The following SHISA9 variants were observed in gnomAD, a reference collection of about 807,000 sequenced individuals.
SHISA9 encodes the protein shisa family member 9.
Under a neutral mutation model 38.0 loss-of-function variants are expected in SHISA9, and 13 were observed. The ratio of observed to expected loss-of-function variants is 0.34; its 90% confidence interval spans 0.22 to 0.54. SHISA9 has a LOEUF of 0.54. SHISA9 is among the 20% of genes least tolerant of loss of function. The probability of loss-of-function intolerance (pLI) is 0.91; values close to 1 mark genes in which losing one functional copy is unlikely to be tolerated. For missense variants in SHISA9, 538 were observed against 575.8 expected (o/e 0.93, Z 0.67); for synonymous variants, 275 against 242.0 (o/e 1.14, Z -1.27).
intron 2 of SHISA9, among the ~76,000 whole-genome samples, chr16:13,012,051 C>T (rs1299364106): frequency 1.3e-5 from 2 of 152,088 alleles, no homozygotes; most frequent in Non-Finnish European, 2.9e-5. Context: ...GTCTCGAACT[C>T]CTGACCTCAT....
the SHISA9 span, among the ~76,000 whole-genome samples, chr16:13,480,834 C>T: frequency 2.0e-5 from 3 of 152,158 alleles, no homozygotes; most frequent in Non-Finnish European, 4.4e-5. Flanking sequence ...CAAATCACTC[C>T]TTGGCAGAAG....
At chr16:13,051,136 C>G (rs1394343533) in intron 2 of SHISA9, among the ~76,000 whole-genome samples, 1 of 152,158 alleles carries the variant, frequency 6.6e-6, no homozygotes, top group Non-Finnish European at 1.5e-5. Flanking sequence ...TAAAGACATA[C>G]CCAAGTCTAG....
intron 2 of SHISA9, among the ~76,000 whole-genome samples, chr16:12,920,097 A>G (rs972758006): frequency 6.6e-5 from 10 of 151,674 alleles, no homozygotes; most frequent in Non-Finnish European, 1.3e-4. Context: ...GGCTGTGGCT[A>G]CAGCCTGGAT....
the SHISA9 span, among the ~76,000 whole-genome samples, chr16:13,502,911 A>T: frequency 6.6e-6 from 1 of 152,102 alleles, no homozygotes; most frequent in African/African-American, 2.4e-5. Context: ...AAATAAAATA[A>T]ATCTACTGGG....
the SHISA9 span, among the ~76,000 whole-genome samples, chr16:13,561,898 G>A: frequency 2.0e-5 from 3 of 152,102 alleles, no homozygotes; most frequent in Non-Finnish European, 2.9e-5. Context: ...CAGCTGTATT[G>A]GCTGGTATAG....
chr16:13,430,165 C>T, the SHISA9 span, among the ~76,000 whole-genome samples: 2 of 152,202 alleles, frequency 1.3e-5, no homozygotes, highest in Non-Finnish European at 2.9e-5. Flanking sequence ...CGTCTTGTCT[C>T]TAGAACGGTG....
chr16:12,968,329 G>C (rs187585232), intron 2 of SHISA9, among the ~76,000 whole-genome samples: 48 of 150,648 alleles, frequency 3.2e-4, no homozygotes, highest in African/African-American at 1.1e-3. Context: ...ATTCCAATGT[G>C]TAGACTAGTA....
chr16:13,267,704 T>C, the SHISA9 span, among the ~76,000 whole-genome samples: 10 of 152,266 alleles, frequency 6.6e-5, no homozygotes, highest in African/African-American at 2.2e-4. Flanking sequence ...AAGCAACTAG[T>C]AGTGGGTCAG....
At chr16:13,036,945 T>G (rs1380547657) in intron 2 of SHISA9, among the ~76,000 whole-genome samples, 1 of 152,180 alleles carries the variant, frequency 6.6e-6, no homozygotes, top group Non-Finnish European at 1.5e-5. Flanking sequence ...TATTTCATTT[T>G]AGTCTCACCA....
chr16:13,507,117 A>G, the SHISA9 span, among the ~76,000 whole-genome samples: 1 of 152,036 alleles, frequency 6.6e-6, no homozygotes, highest in South Asian at 2.1e-4. Flanking sequence ...TGATTGTTTC[A>G]CACTTACATT....
At chr16:13,311,698 G>A in the SHISA9 span, among the ~76,000 whole-genome samples, 4 of 152,202 alleles carry the variant, frequency 2.6e-5, no homozygotes, top group East Asian at 7.7e-4. Flanking sequence ...AATGGAGATT[G>A]TTCTCGTTGG....
At chr16:12,982,571 G>T (rs576401281) in intron 2 of SHISA9, among the ~76,000 whole-genome samples, 1 of 152,308 alleles carries the variant, frequency 6.6e-6, no homozygotes, top group Non-Finnish European at 1.5e-5. Flanking sequence ...AGCAGGGCAT[G>T]CATGGTACTT....
At chr16:13,167,341 G>C (rs1235765225) in intron 2 of SHISA9, among the ~76,000 whole-genome samples, 1 of 152,050 alleles carries the variant, frequency 6.6e-6, no homozygotes. Context: ...AAAAGTGCTG[G>C]GATCACAGGC....
the SHISA9 span, among the ~76,000 whole-genome samples, chr16:13,355,372 G>A: frequency 6.6e-6 from 1 of 151,784 alleles, no homozygotes; most frequent in Non-Finnish European, 1.5e-5. Flanking sequence ...TGCATGATTG[G>A]TCACCAAGGA....
the SHISA9 span, among the ~76,000 whole-genome samples, chr16:13,472,682 A>G: frequency 1.3e-5 from 2 of 151,760 alleles, no homozygotes; most frequent in African/African-American, 4.9e-5. Flanking sequence ...GTGAGCCACA[A>G]TGCCCGGCCT....
intron 2 of SHISA9, among the ~76,000 whole-genome samples, chr16:13,052,484 A>G (rs1245377775): frequency 1.3e-5 from 2 of 152,236 alleles, no homozygotes; most frequent in African/African-American, 4.8e-5. Flanking sequence ...TCCCACTCTG[A>G]TTGATGAGTC....
rs1596674431 is a variant in SHISA9, at chr16:13,138,305, C to G, written c.692-65089C>G. 3.3e-5 allele frequency among the ~76,000 whole-genome samples: 5 copies of G among 152,160 alleles called. No homozygotes were observed. In the South Asian group the frequency reaches 1.0e-3, roughly 32 times the overall value. Reference sequence around the variant, plus strand: ...GTAACTCATAGATTGGAACTTGAGACCAATGGTCCAGGAACTCTTCTTTGA... The same window carrying G: ...GTAACTCATAGATTGGAACTTGAGAGCAATGGTCCAGGAACTCTTCTTTGA... On this transcript the variant is annotated intron_variant, in intron 2 of 4. Transcript: ENST00000558583.
the SHISA9 span, among the ~76,000 whole-genome samples, chr16:13,343,170 A>G: frequency 1.3e-5 from 2 of 152,220 alleles, no homozygotes; most frequent in African/African-American, 4.8e-5. Context: ...CGCTTAGTCA[A>G]TAGAGAAACT....
intron 2 of SHISA9, among the ~76,000 whole-genome samples, chr16:13,190,012 C>T (rs1456598414): frequency 6.6e-6 from 1 of 151,628 alleles, no homozygotes; most frequent in African/African-American, 2.4e-5. Flanking sequence ...AAGGGGCAAA[C>T]ATCTCCTGTT....
Sources: gnomAD v4.1 joint callset for allele counts (sites outside exome capture counted in the v4.1 genomes callset) on GRCh38, gnomAD v4.1.1 for gene constraint, MANE v1.5 for transcripts, NCBI Gene and HGNC (gene_info 2026-07-23, HGNC 2026-07-21) for gene names.